The following COL19A1 variants were observed in gnomAD, a reference collection of about 807,000 sequenced individuals.
The protein encoded by COL19A1 is collagen alpha-1(XIX) chain.
COL19A1 carries 159 observed loss-of-function variants against 190.2 expected under a neutral mutation model. That is an observed-to-expected ratio of 0.84 (90% CI 0.73 to 0.95). COL19A1 has a LOEUF of 0.95. COL19A1 is among the 40% of genes least tolerant of loss of function. The pLI is 0.00. For synonymous variants in COL19A1, 509 were observed against 458.9 expected, an observed-to-expected ratio of 1.11 and a Z score of -1.39; for missense variants, 1,418 against 1,431.9, an observed-to-expected ratio of 0.99 and a Z score of 0.16.
chr6:70,131,541 G>A (rs1225134174), intron 18 of COL19A1, among the ~76,000 whole-genome samples: 8 of 152,226 alleles, frequency 5.3e-5, no homozygotes, highest in African/African-American at 1.9e-4. Context: ...AGTCATTTGT[G>A]TGAGTTAGAT....
chr6:70,199,106 C>T (rs912493090), intron 48 of COL19A1, among the ~76,000 whole-genome samples: 4 of 152,208 alleles, frequency 2.6e-5, no homozygotes, highest in African/African-American at 9.6e-5. Context: ...ACTGTTAATT[C>T]AGCCTTTTTC....
intron 14 of COL19A1, among the ~76,000 whole-genome samples, chr6:70,041,029 A>C (rs1185493519): frequency 6.6e-6 from 1 of 152,140 alleles, no homozygotes; most frequent in African/African-American, 2.4e-5. Context: ...TCATATAGAG[A>C]TACGGAAAAA....
intron 49 of COL19A1, among the ~76,000 whole-genome samples, chr6:70,200,513 T>A (rs944010850): frequency 2.6e-4 from 40 of 152,368 alleles, no homozygotes; most frequent in African/African-American, 9.4e-4. Flanking sequence ...CCAGGAAAAC[T>A]GCTTCTTATT....
chr6:70,085,502 A>G (rs1362042850), intron 15 of COL19A1, among the ~76,000 whole-genome samples: 1 of 152,210 alleles, frequency 6.6e-6, no homozygotes, highest in Non-Finnish European at 1.5e-5. Context: ...TGTACTTCTA[A>G]TGATATTCTA....
chr6:70,106,251 T>A (rs918548983), intron 16 of COL19A1, among the ~76,000 whole-genome samples: 2 of 152,088 alleles, frequency 1.3e-5, no homozygotes, highest in African/African-American at 4.8e-5. Flanking sequence ...TAGTATATTC[T>A]CAGTTTCTTA....
At chr6:70,176,989 A>G (rs1392993537) in intron 42 of COL19A1, among the ~76,000 whole-genome samples, 1 of 152,164 alleles carries the variant, frequency 6.6e-6, no homozygotes, top group Non-Finnish European at 1.5e-5. Flanking sequence ...TCCTTAGCCC[A>G]GTGTTATTAG....
intron 12 of COL19A1, 82 bp downstream of exon 12, chr6:70,023,762 T>C: frequency 2.3e-6 from 3 of 1,332,040 alleles, no homozygotes; most frequent in African/African-American, 1.5e-5. Flanking sequence ...GATTTGCCTA[T>C]TTTTGGCAGA....
rs774715446 is a variant in COL19A1 at position 70,210,439 on chromosome 6, A to G, written c.*3165A>G. Among the ~76,000 whole-genome samples the G allele has an allele frequency of 2.2e-4, 33 of 152,218 alleles. No homozygotes were observed. The highest frequency in any genetic ancestry group is 4.1e-4 in the Non-Finnish European group (28 of 68,002). On this transcript the variant is annotated 3_prime_UTR_variant, in exon 51 of 51. Transcript: ENST00000620364. ...CTTTTAAACTTTTCACTTTGTGAGCAAAGTAACCCCATAAGTTTATTTCCC... is the reference window on the plus strand; with the variant it reads ...CTTTTAAACTTTTCACTTTGTGAGCGAAGTAACCCCATAAGTTTATTTCCC...
intron 36 of COL19A1, among the ~76,000 whole-genome samples, chr6:70,165,531 T>C (rs191284788): frequency 6.6e-6 from 1 of 152,080 alleles, no homozygotes; most frequent in African/African-American, 2.4e-5. Flanking sequence ...TCCCAAAAGA[T>C]GAAGGTGGTA....
At chr6:70,021,326 C>T (rs887886359) in intron 11 of COL19A1, among the ~76,000 whole-genome samples, 1 of 151,868 alleles carries the variant, frequency 6.6e-6, no homozygotes, top group South Asian at 2.1e-4. Flanking sequence ...AGTTTTATTA[C>T]CACTGTCAAG....
chr6:70,102,082 T>A (rs1407904990), intron 15 of COL19A1, 87 bp from the exon 16 acceptor site: 1 of 1,045,674 alleles, frequency 9.6e-7, no homozygotes, highest in East Asian at 2.4e-5. Flanking sequence ...TCATTTTTAC[T>A]GTCTTCAATA....
Position 70,211,289 on chromosome 6 carries a change from TAA to T in COL19A1, c.*4016_*4017del, listed in dbSNP as rs1396555313. ...ATACACTGGGATTGAGAATTTCTGTTAAGTGTTTTGCTGACGTTGTTTTAATG... is the reference window on the plus strand; with the variant it reads ...ATACACTGGGATTGAGAATTTCTGTTGTGTTTTGCTGACGTTGTTTTAATG... On this transcript the variant is annotated 3_prime_UTR_variant, in exon 51 of 51. Coordinates refer to ENST00000620364, the MANE Select transcript of COL19A1 (RefSeq NM_001858.6). Among the ~76,000 whole-genome samples the T allele has an allele frequency of 1.3e-5, 2 of 152,100 alleles. No individual in the cohort carries two copies. The highest frequency in any genetic ancestry group is 2.9e-5 in the Non-Finnish European group (2 of 67,980).
chr6:69,933,613 A>G (rs1385530645), intron 7 of COL19A1, among the ~76,000 whole-genome samples: 4 of 151,872 alleles, frequency 2.6e-5, no homozygotes, highest in South Asian at 4.2e-4. Flanking sequence ...TAACCATACA[A>G]CTGTTACTTA....
At chr6:70,093,276 T>G (rs1317774845) in intron 15 of COL19A1, among the ~76,000 whole-genome samples, 3 of 152,126 alleles carry the variant, frequency 2.0e-5, no homozygotes, top group Admixed American at 6.6e-5. Flanking sequence ...CACAATGAGC[T>G]TTCAGCTTCC....
intron 11 of COL19A1, among the ~76,000 whole-genome samples, chr6:69,967,389 G>C (rs1255158681): frequency 6.6e-6 from 1 of 152,200 alleles, no homozygotes; most frequent in East Asian, 1.9e-4. Flanking sequence ...TAAGACTGAA[G>C]GAGAGGTGGA....
At chr6:69,878,660 TTATTG>T (rs779760713) in intron 1 of COL19A1, among the ~76,000 whole-genome samples, 12 of 152,160 alleles carry the variant, frequency 7.9e-5, no homozygotes, top group Non-Finnish European at 1.3e-4. Flanking sequence ...AAAAATAGAA[TTATTG>T]TATTGTATTG....
Position 69,927,899 on chromosome 6 carries a change from C to T in COL19A1, c.267-10C>T, listed in dbSNP as rs1772500029. On this transcript the variant is annotated splice_polypyrimidine_tract_variant and intron_variant, in intron 4 of 50. Transcript: ENST00000620364. Reference sequence around the variant, plus strand: ...TTTCCCCACAAAAGTTCTTTGTTTTCCTCCCACAGTAAGATATTTCCCAAA... The same window carrying T: ...TTTCCCCACAAAAGTTCTTTGTTTTTCTCCCACAGTAAGATATTTCCCAAA... 1.3e-6 allele frequency: 2 copies of T among 1,587,788 alleles called. No individual in the cohort carries two copies. The highest frequency in any genetic ancestry group is 1.7e-4 in the Middle Eastern group (1 of 5,968).
chr6:70,170,839 T>G (rs2150272492), intron 40 of COL19A1, among the ~76,000 whole-genome samples: 1 of 152,318 alleles, frequency 6.6e-6, no homozygotes, highest in South Asian at 2.1e-4. Context: ...AATGAAGTTA[T>G]ATCCCTGGTA....
At chr6:69,916,652 ATTG>A (rs1771329193) in intron 4 of COL19A1, among the ~76,000 whole-genome samples, 2 of 152,312 alleles carry the variant, frequency 1.3e-5, no homozygotes, top group African/African-American at 4.8e-5. Context: ...AATATGATTC[ATTG>A]TTGTTGTTAA....
Sources: allele counts gnomAD v4.1 joint callset (sites outside exome capture counted in the v4.1 genomes callset), GRCh38; gene constraint gnomAD v4.1.1; transcripts MANE v1.5; gene names NCBI Gene and HGNC (gene_info 2026-07-23, HGNC 2026-07-21).